Variants in GRIK1 observed in about 807,000 individuals in gnomAD.
GRIK1 encodes the protein glutamate ionotropic receptor kainate type subunit 1.
In GRIK1, 69 loss-of-function variants were observed where a neutral mutation model predicts 105.7. That is an observed-to-expected ratio of 0.65 (90% confidence interval 0.54 to 0.80). GRIK1 has a LOEUF of 0.80. GRIK1 is among the 30% of genes least tolerant of loss of function. GRIK1 has a pLI of 0.00. For synonymous variants in GRIK1, 438 were observed against 431.3 expected, an observed-to-expected ratio of 1.02 and a Z score of -0.19; for missense variants, 1,109 against 1,167.3, an observed-to-expected ratio of 0.95 and a Z score of 0.73.
chr21:29,670,467 A>G (rs890939350), intron 4 of GRIK1, among the ~76,000 whole-genome samples: 3 of 152,232 alleles, frequency 2.0e-5, no homozygotes, highest in Admixed American at 2.0e-4. Context: ...AGCTACTTCT[A>G]TCAAAGGAAC....
At chr21:29,721,950 G>C (rs1237513267) in intron 1 of GRIK1, among the ~76,000 whole-genome samples, 1 of 152,104 alleles carries the variant, frequency 6.6e-6, no homozygotes, top group African/African-American at 2.4e-5. Flanking sequence ...ATGGGTACAA[G>C]GCATTTGGAG....
chr21:29,814,793 G>T (rs2067109734), intron 1 of GRIK1, among the ~76,000 whole-genome samples: 4 of 148,804 alleles, frequency 2.7e-5, no homozygotes, highest in Admixed American at 2.7e-4. Flanking sequence ...GGTGTAGAGT[G>T]AGTGTGGGCA....
intron 1 of GRIK1, among the ~76,000 whole-genome samples, chr21:29,734,480 C>T (rs1453193752): frequency 6.6e-6 from 1 of 151,660 alleles, no homozygotes; most frequent in African/African-American, 2.4e-5. Context: ...ACAATCACAG[C>T]TCACTGCAGC....
At chr21:29,797,909 C>A (rs1187897988) in intron 1 of GRIK1, among the ~76,000 whole-genome samples, 1 of 152,206 alleles carries the variant, frequency 6.6e-6, no homozygotes, top group African/African-American at 2.4e-5. Flanking sequence ...ATCCTACACT[C>A]TTCATGAAAT....
At chr21:29,660,338 G>A (rs1370907171) in intron 4 of GRIK1, among the ~76,000 whole-genome samples, 2 of 152,206 alleles carry the variant, frequency 1.3e-5, no homozygotes, top group Non-Finnish European at 2.9e-5. Context: ...CCAGGACGTA[G>A]CTCATAGGGG....
Position 29,603,481 on chromosome 21 carries a change from C to T in GRIK1, c.1099-4544G>A, listed in dbSNP as rs535057750. ...TCAGTAGTAACACCTATTGCCACAC[C>T]GGCTGAGATCCAGGTAATCATGTCT... On this transcript the variant is annotated intron_variant, in intron 7 of 17. Transcript: ENST00000327783. Among the ~76,000 whole-genome samples, 21 of 152,188 alleles carry T rather than the reference C, an allele frequency of 1.4e-4. 1 individual carries two copies. The highest frequency in any genetic ancestry group is 4.2e-4 in the South Asian group (2 of 4,814).
At chr21:29,553,216 T>G in intron 16 of GRIK1, 1 of 994,210 alleles carries the variant, frequency 1.0e-6, no homozygotes. Flanking sequence ...CGTGTTTCCA[T>G]GCTTTGCCCT....
At chr21:29,793,369 A>G (rs190050042) in intron 1 of GRIK1, among the ~76,000 whole-genome samples, 4 of 152,286 alleles carry the variant, frequency 2.6e-5, no homozygotes, top group Admixed American at 2.6e-4. Flanking sequence ...CCCAAGTCCC[A>G]TAGTGCCTAG....
At chr21:29,885,335 C>T (rs1414057859) in intron 1 of GRIK1, among the ~76,000 whole-genome samples, 1 of 152,022 alleles carries the variant, frequency 6.6e-6, no homozygotes, top group African/African-American at 2.4e-5. Context: ...TAAAAGTTCT[C>T]TTCTCATACC....
intron 1 of GRIK1, among the ~76,000 whole-genome samples, chr21:29,711,217 T>C (rs949414019): frequency 3.9e-5 from 6 of 152,152 alleles, no homozygotes; most frequent in Non-Finnish European, 8.8e-5. Flanking sequence ...AGACTGTATA[T>C]ATGAAGGTTA....
At chr21:29,848,755 G>GTGTGTGTATATA (rs773386863) in intron 1 of GRIK1, among the ~76,000 whole-genome samples, 1 of 91,252 alleles carries the variant, frequency 1.1e-5, no homozygotes, top group African/African-American at 4.5e-5. Context: ...AGTTGTGTGT[G>GTGTGTGTATATA]TATATATATA....
At chr21:29,737,973 T>C (rs1221289199) in intron 1 of GRIK1, among the ~76,000 whole-genome samples, 1 of 152,238 alleles carries the variant, frequency 6.6e-6, no homozygotes, top group Non-Finnish European at 1.5e-5. Context: ...ATTCTGCTCC[T>C]TGAAAAACTC....
chr21:29,601,089 A>G (rs2061509440), intron 7 of GRIK1: 1 of 295,858 alleles, frequency 3.4e-6, no homozygotes, highest in Non-Finnish European at 7.4e-6. Flanking sequence ...GGTGTTTCCA[A>G]AAAAGATTAG....
chr21:29,666,114 A>G (rs539413359), intron 4 of GRIK1, among the ~76,000 whole-genome samples: 2 of 152,322 alleles, frequency 1.3e-5, no homozygotes, highest in Non-Finnish European at 2.9e-5. Flanking sequence ...GTGAAAAATA[A>G]ATAAATAAGC....
At chr21:29,685,804 C>T (rs141350099) in intron 3 of GRIK1, among the ~76,000 whole-genome samples, 19 of 152,308 alleles carry the variant, frequency 1.2e-4, no homozygotes, top group South Asian at 4.1e-4. Context: ...TCCTGACCCC[C>T]GGTATCCTAC....
At chr21:29,639,398 C>T (rs949890615) in intron 7 of GRIK1, among the ~76,000 whole-genome samples, 1 of 152,156 alleles carries the variant, frequency 6.6e-6, no homozygotes, top group Non-Finnish European at 1.5e-5. Context: ...AGGTACAAAG[C>T]CTACATCTGT....
intron 1 of GRIK1, among the ~76,000 whole-genome samples, chr21:29,846,463 GAGAAAGAAAGAAAGAA>G (rs56303585): frequency 0.06 from 7,738 of 127,916 alleles, 368 homozygotes; most frequent in East Asian, 0.14. Flanking sequence ...GAAAGAGAGA[GAGAAAGAAAGAAAGAA>G]AGAAAGAAAG....
At chr21:29,677,327 T>A (rs1037448400) in intron 3 of GRIK1, among the ~76,000 whole-genome samples, 2 of 152,228 alleles carry the variant, frequency 1.3e-5, no homozygotes, top group Non-Finnish European at 2.9e-5. Context: ...CTTCTTCCAC[T>A]TCTATCCCCA....
intron 1 of GRIK1, among the ~76,000 whole-genome samples, chr21:29,778,089 G>A (rs933479857): frequency 2.6e-5 from 4 of 152,294 alleles, no homozygotes; most frequent in African/African-American, 9.6e-5. Context: ...AAATGTGGTT[G>A]TGGGTAAAAA....
Sources: allele counts gnomAD v4.1 joint callset (sites outside exome capture counted in the v4.1 genomes callset), GRCh38; gene constraint gnomAD v4.1.1; transcripts MANE v1.5; gene names NCBI Gene and HGNC (gene_info 2026-07-23, HGNC 2026-07-21).